The following KDM4C variants were observed in gnomAD, a reference collection of about 807,000 sequenced individuals.
The protein encoded by KDM4C is lysine-specific demethylase 4C.
A neutral mutation model predicts 129.3 loss-of-function variants in KDM4C; 81 were observed. The observed-to-expected ratio is 0.63, with a 90% CI of 0.52 to 0.75. The LOEUF (loss-of-function observed/expected upper bound fraction) is 0.75, where lower values mean the gene tolerates loss of function less well. Among genes scored for constraint, KDM4C ranks in the 30% least tolerant of loss-of-function variants. KDM4C has a pLI of 0.00. For missense variants in KDM4C, 1,457 were observed against 1,304.0 expected, an observed-to-expected ratio of 1.12 and a Z score of -1.81; for synonymous variants, 573 against 456.1, an observed-to-expected ratio of 1.26 and a Z score of -3.26.
At position 7,079,150 on chromosome 9, in the gene KDM4C, A is replaced by T. The variant is rs114178357; in HGVS notation, c.2425-24535A>T. On this transcript the variant is annotated intron_variant, in intron 17 of 21. Transcript: ENST00000381309. ...GTTCCTGTATGTCTGCCAGGGGCCA[A>T]CCTTGGAAGCAGAACTTTCAAGGCA... Among the ~76,000 whole-genome samples, 4 of 152,336 alleles carry T rather than the reference A, an allele frequency of 2.6e-5. No homozygotes were observed. The South Asian group carries it at 8.3e-4, about 32-fold the overall frequency.
At chr9:7,081,491 T>C (rs937856032) in intron 17 of KDM4C, among the ~76,000 whole-genome samples, 3 of 152,178 alleles carry the variant, frequency 2.0e-5, no homozygotes, top group African/African-American at 7.2e-5. Flanking sequence ...CCTGTGCTGT[T>C]GTCCTGCAGG....
At chr9:7,120,310 T>C (rs946659284) in intron 18 of KDM4C, among the ~76,000 whole-genome samples, 2 of 152,204 alleles carry the variant, frequency 1.3e-5, no homozygotes, top group Non-Finnish European at 2.9e-5. Context: ...GTTAGCTGTC[T>C]TTTGTTTGAA....
At chr9:6,970,806 A>C (rs818898) in intron 8 of KDM4C, among the ~76,000 whole-genome samples, 17 of 121,288 alleles carry the variant, frequency 1.4e-4, no homozygotes, top group Admixed American at 1.8e-4. Context: ...CCCCGCCCCT[A>C]ACCCCCACCC....
intron 4 of KDM4C, chr9:6,835,322 A>G: frequency 1.1e-6 from 1 of 944,950 alleles, no homozygotes; most frequent in Non-Finnish European, 1.8e-6. Flanking sequence ...GACATCCACA[A>G]AGACCTTTAC....
intron 8 of KDM4C, among the ~76,000 whole-genome samples, chr9:6,948,411 T>C (rs532093777): frequency 7.5e-6 from 1 of 132,668 alleles, no homozygotes; most frequent in African/African-American, 4.1e-5. Context: ...AGTGACCTTG[T>C]AGAAAGGCAA....
Position 6,793,076 on chromosome 9 carries a change from A to G in KDM4C, c.88A>G (p.Asn30Asp). 6.2e-7 allele frequency: 1 copy of G among 1,614,190 alleles called. No individual in the cohort carries two copies. The highest frequency in any genetic ancestry group is 8.5e-7 in the Non-Finnish European group (1 of 1,180,024). ...RPSMEEFREF[N>D]KYLAYMESKG... ...CTCCATGGAGGAGTTCCGGGAGTTC[A>G]ACAAATACCTTGCATACATGGAGTC... The change falls in exon 2 of 22, where the codon AAC (asparagine) becomes GAC (aspartate). Residue 30 changes from asparagine (N) to aspartate (D), a missense_variant. Coordinates refer to ENST00000381309, the MANE Select transcript of KDM4C (RefSeq NM_015061.6).
intron 4 of KDM4C, among the ~76,000 whole-genome samples, chr9:6,842,988 G>T (rs1837245000): frequency 6.6e-6 from 1 of 152,148 alleles, no homozygotes; most frequent in Non-Finnish European, 1.5e-5. Context: ...GGAGTATAGT[G>T]GTGCAGTCTT....
At chr9:6,862,849 A>G (rs1405310665) in intron 5 of KDM4C, among the ~76,000 whole-genome samples, 1 of 152,062 alleles carries the variant, frequency 6.6e-6, no homozygotes, top group African/African-American at 2.4e-5. Flanking sequence ...CAAAAAACAA[A>G]AAAAAATTCA....
chr9:7,143,344 C>A (rs1325677886), intron 19 of KDM4C, among the ~76,000 whole-genome samples: 1 of 152,182 alleles, frequency 6.6e-6, no homozygotes, highest in African/African-American at 2.4e-5. Flanking sequence ...ATTCAGTGTT[C>A]ATTAAGCAAA....
intron 8 of KDM4C, among the ~76,000 whole-genome samples, chr9:6,967,562 G>A (rs933608987): frequency 6.6e-5 from 10 of 152,162 alleles, no homozygotes; most frequent in African/African-American, 2.4e-4. Context: ...CTGTGAAATT[G>A]TTGGAAGGAC....
Position 6,793,150 on chromosome 9 carries a change from C to T in KDM4C, c.144+18C>T, listed in dbSNP as rs909202585. 1 of 1,601,234 alleles carries T rather than the reference C, an allele frequency of 6.2e-7. No individual in the cohort carries two copies. The highest frequency in any genetic ancestry group is 8.5e-7 in the Non-Finnish European group (1 of 1,172,204). ...TTGCAAAGGTGATTATCCTTCGATG[C>T]TTTAAATGAAAAACAATCACTTGGC... On this transcript the variant is annotated intron_variant, in intron 2 of 21. Coordinates refer to ENST00000381309, the MANE Select transcript of KDM4C (RefSeq NM_015061.6).
intron 6 of KDM4C, among the ~76,000 whole-genome samples, chr9:6,886,518 G>T (rs909890840): frequency 1.1e-4 from 15 of 139,950 alleles, no homozygotes; most frequent in African/African-American, 4.0e-4. Flanking sequence ...TTTTTGAGGA[G>T]TCTTACTCTG....
At chr9:6,964,597 C>T (rs1041053839) in intron 8 of KDM4C, among the ~76,000 whole-genome samples, 17 of 151,600 alleles carry the variant, frequency 1.1e-4, no homozygotes, top group African/African-American at 2.4e-4. Context: ...CTGGGCAACA[C>T]GGTGAAACCC....
Position 7,103,813 on chromosome 9 carries a change from T to A in KDM4C, c.2553T>A (p.Asp851Glu). The A allele has an allele frequency of 6.2e-7, 1 of 1,614,052 alleles. No homozygotes were observed. Among genetic ancestry groups the A allele is most frequent in the Non-Finnish European group, 8.5e-7 (1 of 1,179,950 alleles). ...CTGCTGGGGTACTGATGGAGCCTGA[T>A]GACTGGCCTTATGTGGTGAACATTA... ...AHAAGVLMEP[D>E]DWPYVVNITC... The change falls in exon 18 of 22, where the codon GAT becomes GAA. Residue 851 changes from aspartate to glutamate, a missense_variant. Asp to Glu is a conservative substitution (Grantham distance 45). Transcript: ENST00000381309.
intron 8 of KDM4C, among the ~76,000 whole-genome samples, chr9:6,936,257 A>AT (rs1332794769): frequency 1.3e-5 from 2 of 152,162 alleles, no homozygotes; most frequent in Non-Finnish European, 2.9e-5. Context: ...TAAATGAGTG[A>AT]TTTTACATAT....
intron 1 of KDM4C, among the ~76,000 whole-genome samples, chr9:6,782,563 C>T (rs1354082985): frequency 6.6e-6 from 1 of 151,936 alleles, no homozygotes; most frequent in African/African-American, 2.4e-5. Context: ...ACGGCGTACA[C>T]GTGACACATA....
chr9:6,930,085 A>G (rs1373996991), intron 8 of KDM4C, among the ~76,000 whole-genome samples: 5 of 152,170 alleles, frequency 3.3e-5, no homozygotes, highest in Admixed American at 6.5e-5. Context: ...GGCAGAGGAG[A>G]AAGACACACT....
At chr9:6,900,473 C>T (rs1817205772) in intron 8 of KDM4C, among the ~76,000 whole-genome samples, 1 of 152,170 alleles carries the variant, frequency 6.6e-6, no homozygotes, top group African/African-American at 2.4e-5. Flanking sequence ...GTTTGGATTC[C>T]TAAAGTCAGT....
intron 1 of KDM4C, among the ~76,000 whole-genome samples, chr9:6,722,305 A>T (rs991478992): frequency 1.3e-5 from 2 of 152,094 alleles, no homozygotes; most frequent in Non-Finnish European, 1.5e-5. Flanking sequence ...AGTTGTTACT[A>T]GACAGTGTGG....
Sources: allele counts gnomAD v4.1 joint callset (sites outside exome capture counted in the v4.1 genomes callset), GRCh38; gene constraint gnomAD v4.1.1; transcripts MANE v1.5; gene names NCBI Gene and HGNC (gene_info 2026-07-23, HGNC 2026-07-21).